NRXN1: variants seen among roughly 807,000 people sequenced by gnomAD.
NRXN1 encodes the protein neurexin 1, also known as neurexin-1.
In NRXN1, 39 loss-of-function variants were observed where a neutral mutation model predicts 150.9. That is an observed-to-expected ratio of 0.26 (90% CI 0.20 to 0.34). The LOEUF (loss-of-function observed/expected upper bound fraction) is 0.34, where lower values mean the gene tolerates loss of function less well. Ranked by LOEUF, NRXN1 falls within the 10% of genes least tolerant of loss-of-function variation. The probability of loss-of-function intolerance (pLI) is 1.00; values close to 1 mark genes in which losing one functional copy is unlikely to be tolerated. For missense variants in NRXN1, 1,815 were observed against 1,949.9 expected (o/e 0.93, Z 1.30); for synonymous variants, 924 against 757.0 (o/e 1.22, Z -3.62).
At chr2:50,611,431 C>T (rs1364126033) in intron 8 of NRXN1, among the ~76,000 whole-genome samples, 1 of 152,102 alleles carries the variant, frequency 6.6e-6, no homozygotes, top group African/African-American at 2.4e-5. Flanking sequence ...AGCTGAATTC[C>T]AGACAAGAAC....
intron 17 of NRXN1, among the ~76,000 whole-genome samples, chr2:50,385,268 T>C (rs1268580122): frequency 1.3e-5 from 2 of 152,184 alleles, no homozygotes; most frequent in African/African-American, 4.8e-5. Context: ...AATGTTTGCA[T>C]TGCTTTGGGC....
chr2:50,031,836 C>A (rs1664021869), intron 21 of NRXN1, among the ~76,000 whole-genome samples: 1 of 152,002 alleles, frequency 6.6e-6, no homozygotes, highest in Non-Finnish European at 1.5e-5. Flanking sequence ...TAGTTCTCAG[C>A]CCTTAATTCG....
At chr2:50,169,057 T>C (rs2059857493) in intron 18 of NRXN1, among the ~76,000 whole-genome samples, 1 of 152,212 alleles carries the variant, frequency 6.6e-6, no homozygotes, top group South Asian at 2.1e-4. Flanking sequence ...TGTAACATAA[T>C]AATAGCTCAT....
At chr2:49,978,366 TCTCCCC>T (rs1679371573) in intron 21 of NRXN1, among the ~76,000 whole-genome samples, 4 of 152,100 alleles carry the variant, frequency 2.6e-5, no homozygotes, top group African/African-American at 9.7e-5. Flanking sequence ...AGTGCCACCC[TCTCCCC>T]TTAGAAACTA....
intron 17 of NRXN1, among the ~76,000 whole-genome samples, chr2:50,240,205 G>A (rs1485722282): frequency 6.6e-6 from 1 of 151,542 alleles, no homozygotes; most frequent in African/African-American, 2.4e-5. Context: ...CCAAAACAAA[G>A]CAAAAAAATC....
Position 50,370,162 on chromosome 2 carries a change from T to C in NRXN1, c.3364+95280A>G, listed in dbSNP as rs546124936. 3.3e-5 allele frequency among the ~76,000 whole-genome samples: 5 copies of C among 152,166 alleles called. No homozygotes were observed. In the East Asian group the frequency reaches 7.7e-4, roughly 24 times the overall value. ...TTGTTATTCTATCTCTGCATGTACA[T>C]TGTCCCTCCAACTATATTGCAAATA... On this transcript the variant is annotated intron_variant, in intron 17 of 22. Coordinates refer to ENST00000401669, the MANE Select transcript of NRXN1 (RefSeq NM_001330078.2).
At chr2:51,008,847 A>G (rs1667427426) in intron 2 of NRXN1, among the ~76,000 whole-genome samples, 1 of 151,728 alleles carries the variant, frequency 6.6e-6, no homozygotes, top group African/African-American at 2.4e-5. Context: ...TAATTTCGTG[A>G]TAATATTAAG....
At chr2:50,373,485 A>G (rs900271766) in intron 17 of NRXN1, among the ~76,000 whole-genome samples, 3 of 150,500 alleles carry the variant, frequency 2.0e-5, no homozygotes, top group African/African-American at 7.3e-5. Flanking sequence ...ATATAAGAAC[A>G]AGAGTGACAA....
At chr2:50,990,367 G>A (rs562677117) in intron 2 of NRXN1, among the ~76,000 whole-genome samples, 1 of 151,890 alleles carries the variant, frequency 6.6e-6, no homozygotes, top group Admixed American at 6.6e-5. Flanking sequence ...CTTTATAAAT[G>A]TCAATGAAAT....
chr2:50,536,912 A>G lies in NRXN1; in HGVS notation c.2143+1341T>C, dbSNP rs560147028. 2.9e-3 allele frequency among the ~76,000 whole-genome samples: 449 copies of G among 152,334 alleles called. 2 individuals are homozygous for G. Among genetic ancestry groups the G allele is most frequent in the Non-Finnish European group, 4.7e-3 (321 of 68,032 alleles). ...AAATGCCGGTTAGGTACTATCATAA[A>G]GAGAATGAATATATCTGTATCTATG... On this transcript the variant is annotated intron_variant, in intron 10 of 22. Coordinates refer to ENST00000401669, the MANE Select transcript of NRXN1 (RefSeq NM_001330078.2).
At chr2:49,933,133 C>T (rs533065311) in intron 22 of NRXN1, among the ~76,000 whole-genome samples, 36 of 152,212 alleles carry the variant, frequency 2.4e-4, no homozygotes, top group Middle Eastern at 6.8e-3. Flanking sequence ...GTCGCCCAGG[C>T]TGGAGCACAG....
intron 5 of NRXN1, among the ~76,000 whole-genome samples, chr2:50,720,794 G>C (rs1696538569): frequency 6.6e-6 from 1 of 152,070 alleles, no homozygotes; most frequent in South Asian, 2.1e-4. Context: ...AAAATGCACG[G>C]AAAGCTCCCA....
chr2:50,042,726 G>C (rs1691195054), intron 21 of NRXN1, among the ~76,000 whole-genome samples: 1 of 151,100 alleles, frequency 6.6e-6, no homozygotes, highest in African/African-American at 2.4e-5. Flanking sequence ...TAAGATGCTT[G>C]TCAAAAAAAA....
intron 17 of NRXN1, among the ~76,000 whole-genome samples, chr2:50,297,632 T>G (rs1301932161): frequency 6.6e-6 from 1 of 152,180 alleles, no homozygotes; most frequent in African/African-American, 2.4e-5. Flanking sequence ...AACAGAAGTC[T>G]CAAGTGTAAA....
chr2:50,623,626 A>T lies in NRXN1; in HGVS notation c.833-11T>A. On this transcript the variant is annotated splice_polypyrimidine_tract_variant and intron_variant, in intron 5 of 22. Coordinates refer to ENST00000401669, the MANE Select transcript of NRXN1 (RefSeq NM_001330078.2). ...TATATTCTTCTTTTCCTAGAGGAAA[A>T]CAGATGATACATACATAAGTAAACA... 1 of 1,590,390 alleles carries T rather than the reference A, an allele frequency of 6.3e-7. No individual in the cohort carries two copies. The highest frequency in any genetic ancestry group is 8.6e-7 in the Non-Finnish European group (1 of 1,161,506).
At chr2:50,472,018 T>TCAAAAA (rs923630012) in intron 16 of NRXN1, among the ~76,000 whole-genome samples, 23 of 148,638 alleles carry the variant, frequency 1.5e-4, no homozygotes, top group East Asian at 1.2e-3. Flanking sequence ...ACTACATAGC[T>TCAAAAA]CAAAAACAAA....
chr2:50,971,343 G>T (rs1308598806), intron 2 of NRXN1, among the ~76,000 whole-genome samples: 1 of 152,090 alleles, frequency 6.6e-6, no homozygotes, highest in Non-Finnish European at 1.5e-5. Context: ...CCAGCACTTT[G>T]GGAGGCCACA....
intron 8 of NRXN1, among the ~76,000 whole-genome samples, chr2:50,613,668 G>T (rs1262769380): frequency 1.3e-5 from 2 of 152,168 alleles, no homozygotes; most frequent in Non-Finnish European, 2.9e-5. Context: ...GCCAGGTGTG[G>T]TGGCTCACGC....
intron 18 of NRXN1, among the ~76,000 whole-genome samples, chr2:50,111,319 G>A (rs1702342924): frequency 6.6e-6 from 1 of 152,102 alleles, no homozygotes; most frequent in Non-Finnish European, 1.5e-5. Flanking sequence ...TCTCAAAGCA[G>A]CCTATTCATT....
Sources: gnomAD v4.1 joint callset for allele counts (sites outside exome capture counted in the v4.1 genomes callset) on GRCh38, gnomAD v4.1.1 for gene constraint, MANE v1.5 for transcripts, NCBI Gene and HGNC (gene_info 2026-07-23, HGNC 2026-07-21) for gene names.